KCNA1: variants seen among roughly 807,000 people sequenced by gnomAD.
KCNA1 encodes potassium voltage-gated channel subfamily A member 1.
In KCNA1, 19 loss-of-function variants were observed where a neutral mutation model predicts 28.8. The observed-to-expected ratio is 0.66, with a 90% CI of 0.46 to 0.97. KCNA1 has a LOEUF of 0.97. Ranked by LOEUF, KCNA1 falls within the 50% of genes least tolerant of loss-of-function variation. The pLI is 0.00. For missense variants in KCNA1, 419 were observed against 659.7 expected (o/e 0.64, Z 4.00); for synonymous variants, 311 against 268.8 (o/e 1.16, Z -1.53).
chr12:4,911,615 G>C lies in KCNA1; in HGVS notation c.237G>C (p.Glu79Asp). 6.2e-7 allele frequency: 1 copy of C among 1,614,160 alleles called. No homozygotes were observed. The highest frequency in any genetic ancestry group is 2.2e-5 in the East Asian group (1 of 44,860). The change falls in exon 2 of 2, where the codon GAG becomes GAC. Residue 79 changes from glutamate (E) to aspartate (D), a missense_variant. Around this residue, in one of 4 missense-constraint regions of KCNA1, gnomAD observed 217 missense variants for 329.6 expected, o/e 0.66. Coordinates refer to ENST00000382545, the MANE Select transcript of KCNA1 (RefSeq NM_000217.3). This position sits in a 1 kb window ranked among gnomAD's most constrained non-coding sequence, Gnocchi z 6.6. The part of the protein sequence containing the change: ...RMRYFDPLRN[E>D]YFFDRNRPSF... ...GCTACTTCGACCCCCTGAGGAACGA[G>C]TACTTCTTCGACCGCAACCGGCCCA... is the stretch of plus-strand genomic sequence containing the variant.
Position 4,917,198 on chromosome 12 carries a change from T to C in KCNA1, c.*4332T>C, listed in dbSNP as rs78340550. The C allele has an allele frequency of 9.0e-5, 15 of 167,224 alleles. No individual in the cohort carries two copies. The highest frequency in any genetic ancestry group is 3.4e-4 in the African/African-American group (14 of 41,582). The allele number at this position is 167,224 out of a possible 1,614,324, so 10.4% of individuals were successfully genotyped here. A position where few individuals can be genotyped will look rare whatever the true frequency, so the allele number is the denominator to read the frequency against. Reference sequence around the variant, plus strand: ...AGAATGAAGTCTTTTGATGTTTATGTTCATTTTAAGAAGACAAACAAACTA... The same window carrying C: ...AGAATGAAGTCTTTTGATGTTTATGCTCATTTTAAGAAGACAAACAAACTA... On this transcript the variant is annotated 3_prime_UTR_variant, in exon 2 of 2. Coordinates refer to ENST00000382545, the MANE Select transcript of KCNA1 (RefSeq NM_000217.3).
rs1056727372 is a variant in KCNA1 at position 4,914,448 on chromosome 12, T to C, written c.*1582T>C. The C allele has an allele frequency of 2.4e-5, 4 of 167,102 alleles. No individual in the cohort carries two copies. The highest frequency in any genetic ancestry group is 5.9e-5 in the Non-Finnish European group (4 of 68,142). The allele number at this position is 167,102 out of a possible 1,614,324, so 10.4% of individuals were successfully genotyped here. A position where few individuals can be genotyped will look rare whatever the true frequency, so the allele number is the denominator to read the frequency against. ...TTCTTTGCAGTCATTCTTTGAAGTCTGTAGAGACTTCAGCCCTCCCCTTGA... is the reference window on the plus strand; with the variant it reads ...TTCTTTGCAGTCATTCTTTGAAGTCCGTAGAGACTTCAGCCCTCCCCTTGA... On this transcript the variant is annotated 3_prime_UTR_variant, in exon 2 of 2. Coordinates refer to ENST00000382545, the MANE Select transcript of KCNA1 (RefSeq NM_000217.3).
chr12:4,916,967 AT>A lies in KCNA1; in HGVS notation c.*4105del, dbSNP rs1427733532. On this transcript the variant is annotated 3_prime_UTR_variant, in exon 2 of 2. Transcript: ENST00000382545. ...ACCTCAAAACACATGCTTTTTAACA[AT>A]TTTACATTTTAATTCTTAGTTTGGT... 1 of 167,030 alleles carries A rather than the reference AT, an allele frequency of 6.0e-6. No homozygotes were observed. The highest frequency in any genetic ancestry group is 1.5e-5 in the Non-Finnish European group (1 of 68,118). The allele number at this position is 167,030 out of a possible 1,614,324, so 10.3% of individuals were successfully genotyped here.
rs906364538 is a variant in KCNA1 at position 4,913,961 on chromosome 12, T to C, written c.*1095T>C. The C allele has an allele frequency of 1.0e-4, 17 of 167,134 alleles. No homozygotes were observed. Among genetic ancestry groups the C allele is most frequent in the African/African-American group, 3.6e-4 (15 of 41,474 alleles). 10.4% of individuals were successfully genotyped at this position (167,134 alleles called of 1,614,324 possible). A position where few individuals can be genotyped will look rare whatever the true frequency, so the allele number is the denominator to read the frequency against. On this transcript the variant is annotated 3_prime_UTR_variant, in exon 2 of 2. Coordinates refer to ENST00000382545, the MANE Select transcript of KCNA1 (RefSeq NM_000217.3). ...CAATAACTTTTTGGAGCTCAAAGCATGTTCTCTTATTCAGCATTATGGCCT... is the reference window on the plus strand; with the variant it reads ...CAATAACTTTTTGGAGCTCAAAGCACGTTCTCTTATTCAGCATTATGGCCT...
chr12:4,912,665 C>T lies in KCNA1; in HGVS notation c.1287C>T (p.His429=), dbSNP rs756549028. The change falls in exon 2 of 2, where the codon CAC becomes CAT. Residue 429 remains histidine, a synonymous_variant. Coordinates refer to ENST00000382545, the MANE Select transcript of KCNA1 (RefSeq NM_000217.3). The stretch of plus-strand genomic sequence containing the variant: ...GGGAAGAGCAGGCTCAGTTGCTCCA[C>T]GTCAGTTCCCCTAACTTAGCCTCTG... The part of the protein sequence containing the change: ...TEGEEQAQLL[H]VSSPNLASDS... 11 of 1,612,078 alleles carry T rather than the reference C, an allele frequency of 6.8e-6. No individual in the cohort carries two copies. The highest frequency in any genetic ancestry group is 3.3e-4 in the Middle Eastern group (2 of 6,082).
rs1375564167 is a variant in KCNA1 at position 4,911,011 on chromosome 12, G to A, written c.-368G>A. Reference sequence around the variant, plus strand: ...GGGAGGGGAGGCCAGGGCGACCCCCGAAGCAATGGCCCAGTCCGCTAGAAC... The same window carrying A: ...GGGAGGGGAGGCCAGGGCGACCCCCAAAGCAATGGCCCAGTCCGCTAGAAC... On this transcript the variant is annotated 5_prime_UTR_variant, in exon 2 of 2. Transcript: ENST00000382545. This position sits in a 1 kb window ranked among gnomAD's most constrained non-coding sequence, Gnocchi z 6.6. 4 of 270,296 alleles carry A rather than the reference G, an allele frequency of 1.5e-5. No homozygotes were observed. Among genetic ancestry groups the A allele is most frequent in the Admixed American group, 5.1e-5 (1 of 19,680 alleles). The allele number at this position is 270,296 out of a possible 1,614,324, so 16.7% of individuals were successfully genotyped here.
At position 4,911,496 on chromosome 12, in the gene KCNA1, G is replaced by A. The variant is rs759476808; in HGVS notation, c.118G>A (p.Val40Met). The change falls in exon 2 of 2, where the codon GTG becomes ATG. Residue 40 changes from valine to methionine, a missense_variant. Around this residue, in one of 4 missense-constraint regions of KCNA1, gnomAD observed 217 missense variants for 329.6 expected, o/e 0.66. Transcript: ENST00000382545. The surrounding 1 kb of genome is among the most constrained non-coding windows in gnomAD (Gnocchi z 6.6). The stretch of plus-strand genomic sequence containing the variant: ...CGACCACGAGTGCTGCGAGCGCGTG[G>A]TGATCAACATCTCCGGGCTGCGCTT... The part of the protein sequence containing the change: ...HDDHECCERV[V>M]INISGLRFET... The A allele has an allele frequency of 6.2e-7, 1 of 1,614,162 alleles. No homozygotes were observed. The highest frequency in any genetic ancestry group is 8.5e-7 in the Non-Finnish European group (1 of 1,180,036).
rs1947372799 is a variant in KCNA1, at chr12:4,914,538, A to C, written c.*1672A>C. The C allele has an allele frequency of 6.0e-6, 1 of 167,172 alleles. No individual in the cohort carries two copies. Among genetic ancestry groups the C allele is most frequent in the Non-Finnish European group, 1.5e-5 (1 of 68,154 alleles). 10.4% of individuals were successfully genotyped at this position (167,172 alleles called of 1,614,324 possible). A position where few individuals can be genotyped will look rare whatever the true frequency, so the allele number is the denominator to read the frequency against. ...CTTAGTGCCTTTATCCTGTACCCACAGTGAACTGTAGAAAGTGCCTCCTTA... is the reference window on the plus strand; with the variant it reads ...CTTAGTGCCTTTATCCTGTACCCACCGTGAACTGTAGAAAGTGCCTCCTTA... On this transcript the variant is annotated 3_prime_UTR_variant, in exon 2 of 2. Coordinates refer to ENST00000382545, the MANE Select transcript of KCNA1 (RefSeq NM_000217.3).
Position 4,911,612 on chromosome 12 carries a change from C to T in KCNA1, c.234C>T (p.Asn78=). ...KRMRYFDPLR[N]EYFFDRNRPS... is the part of the protein sequence containing the mutation. ...TGCGCTACTTCGACCCCCTGAGGAA[C>T]GAGTACTTCTTCGACCGCAACCGGC... The change falls in exon 2 of 2, where the codon AAC becomes AAT. Residue 78 remains asparagine (N), a synonymous_variant. Coordinates refer to ENST00000382545, the MANE Select transcript of KCNA1 (RefSeq NM_000217.3). This position sits in a 1 kb window ranked among gnomAD's most constrained non-coding sequence, Gnocchi z 6.6. The T allele has an allele frequency of 1.2e-6, 2 of 1,614,200 alleles. No individual in the cohort carries two copies. The highest frequency in any genetic ancestry group is 1.3e-5 in the African/African-American group (1 of 75,060).
In KCNA1 at chr12:4,912,246, A is replaced by G. The variant is rs376413513; in HGVS notation, c.868A>G (p.Ile290Val). ...GGGCGAGCAGGCCACCTCCCTGGCC[A>G]TCCTCAGGGTCATCCGCTTGGTAAG... ...QKGEQATSLAILRVIRLVRVF... is the reference protein window; with the variant it reads ...QKGEQATSLAVLRVIRLVRVF... Residue 290 changes from isoleucine (I) to valine (V), a missense_variant, in exon 2 of 2, where the codon ATC (isoleucine) becomes GTC (valine). Ile to Val is a conservative substitution (Grantham distance 29). Coordinates refer to ENST00000382545, the MANE Select transcript of KCNA1 (RefSeq NM_000217.3). 1.2e-6 allele frequency: 2 copies of G among 1,611,786 alleles called. No homozygotes were observed. Among genetic ancestry groups the G allele is most frequent in the African/African-American group, 1.3e-5 (1 of 74,274 alleles).
Position 4,913,307 on chromosome 12 carries a change from C to T in KCNA1, c.*441C>T, listed in dbSNP as rs920052880. The T allele has an allele frequency of 2.7e-5, 7 of 255,988 alleles. No individual in the cohort carries two copies. The highest frequency in any genetic ancestry group is 7.0e-5 in the African/African-American group (3 of 42,962). 15.9% of individuals were successfully genotyped at this position (255,988 alleles called of 1,614,324 possible). On this transcript the variant is annotated 3_prime_UTR_variant, in exon 2 of 2. Transcript: ENST00000382545. ...TCCAGTAAAACATCTTTGCAAACTG[C>T]GTAGCACATTGAAGACAGTGCATCA...
Position 4,917,852 on chromosome 12 carries a change from A to G in KCNA1, c.*4986A>G, listed in dbSNP as rs948584101. ...CTTCTCTTCAGCGCACTGTTTTGGGACTGTTTATGCAGCAGATGTAAGTAG... is the reference window on the plus strand; with the variant it reads ...CTTCTCTTCAGCGCACTGTTTTGGGGCTGTTTATGCAGCAGATGTAAGTAG... On this transcript the variant is annotated 3_prime_UTR_variant, in exon 2 of 2. Transcript: ENST00000382545. 6.0e-6 allele frequency: 1 copy of G among 167,002 alleles called. No individual in the cohort carries two copies. The highest frequency in any genetic ancestry group is 1.5e-5 in the Non-Finnish European group (1 of 68,104). 10.3% of individuals were successfully genotyped at this position (167,002 alleles called of 1,614,324 possible).
In KCNA1 at chr12:4,910,145, C is replaced by G. The variant is rs143840582; in HGVS notation, c.-867C>G. On this transcript the variant is annotated 5_prime_UTR_variant, in exon 1 of 2. Transcript: ENST00000382545. This position sits in a 1 kb window ranked among gnomAD's most constrained non-coding sequence, Gnocchi z 4.9. ...TTTATCGTCATTTGCCTCGGAGCTTCGAGAGAGGGTGGTATTTTGCTTTTC... is the reference window on the plus strand; with the variant it reads ...TTTATCGTCATTTGCCTCGGAGCTTGGAGAGAGGGTGGTATTTTGCTTTTC... 6.5e-6 allele frequency: 1 copy of G among 152,752 alleles called. No homozygotes were observed. The highest frequency in any genetic ancestry group is 1.9e-4 in the East Asian group (1 of 5,176). 9.5% of individuals were successfully genotyped at this position (152,752 alleles called of 1,614,324 possible).
rs1351451586 is a variant in KCNA1 at position 4,912,892 on chromosome 12, GC to G, written c.*30del. The G allele has an allele frequency of 2.0e-6, 3 of 1,502,432 alleles. No homozygotes were observed. The highest frequency in any genetic ancestry group is 2.8e-6 in the Non-Finnish European group (3 of 1,079,012). The allele number at this position is 1,502,432 out of a possible 1,614,324, so 93.1% of individuals were successfully genotyped here. Reference sequence around the variant, plus strand: ...AAAACAAAGGCAAGCAAACAAAAAAGCCCCACTTAGCAGCTCAAAAGACTTA... The same window carrying G: ...AAAACAAAGGCAAGCAAACAAAAAAGCCCACTTAGCAGCTCAAAAGACTTA... On this transcript the variant is annotated 3_prime_UTR_variant, in exon 2 of 2. Transcript: ENST00000382545.
At position 4,912,877 on chromosome 12, in the gene KCNA1, C is replaced by A; in HGVS notation, c.*11C>A. 2 of 1,583,222 alleles carry A rather than the reference C, an allele frequency of 1.3e-6. No individual in the cohort carries two copies. Among genetic ancestry groups the A allele is most frequent in the Non-Finnish European group, 1.7e-6 (2 of 1,152,296 alleles). On this transcript the variant is annotated 3_prime_UTR_variant, in exon 2 of 2. Transcript: ENST00000382545. ...CTGACCGATGTTTAAAAAACAAAGG[C>A]AAGCAAACAAAAAAGCCCCACTTAG...
Position 4,912,440 on chromosome 12 carries a change from G to C in KCNA1, c.1062G>C (p.Ser354=). The part of the protein sequence containing the change: ...VYFAEAEEAE[S]HFSSIPDAFW... ...TTGCCGAGGCGGAAGAAGCTGAGTC[G>C]CACTTCTCCAGTATCCCCGATGCTT... Residue 354 remains serine (S), a synonymous_variant, in exon 2 of 2, where the codon TCG becomes TCC. Transcript: ENST00000382545. The C allele has an allele frequency of 6.2e-7, 1 of 1,613,796 alleles. No individual in the cohort carries two copies.
rs191491257 is a variant in KCNA1, at chr12:4,917,343, A to G, written c.*4477A>G. The G allele has an allele frequency of 3.3e-3, 547 of 167,226 alleles. 5 individuals are homozygous for G. Among genetic ancestry groups the G allele is most frequent in the Non-Finnish European group, 6.6e-4 (45 of 68,110 alleles). The allele number at this position is 167,226 out of a possible 1,614,324, so 10.4% of individuals were successfully genotyped here. ...ATGGAATTTCAGGGTATATGTGAAC[A>G]TGTCTAGTATGACTCAGGTAAACCT... On this transcript the variant is annotated 3_prime_UTR_variant, in exon 2 of 2. Coordinates refer to ENST00000382545, the MANE Select transcript of KCNA1 (RefSeq NM_000217.3).
Position 4,918,112 on chromosome 12 carries a change from G to C in KCNA1, c.*5246G>C, listed in dbSNP as rs1947396745. 2 of 167,036 alleles carry C rather than the reference G, an allele frequency of 1.2e-5. No homozygotes were observed. The highest frequency in any genetic ancestry group is 4.8e-5 in the African/African-American group (2 of 41,438). 10.3% of individuals were successfully genotyped at this position (167,036 alleles called of 1,614,324 possible). The stretch of plus-strand genomic sequence containing the variant: ...CCTTCTCTAACTGTGTAATATGTCA[G>C]GTCAAGGACATTGAATGTTATGAAT... On this transcript the variant is annotated 3_prime_UTR_variant, in exon 2 of 2. Transcript: ENST00000382545.
chr12:4,913,292 C>A lies in KCNA1; in HGVS notation c.*426C>A. 1 of 268,368 alleles carries A rather than the reference C, an allele frequency of 3.7e-6. No homozygotes were observed. Among genetic ancestry groups the A allele is most frequent in the Non-Finnish European group, 7.7e-6 (1 of 130,578 alleles). 16.6% of individuals were successfully genotyped at this position (268,368 alleles called of 1,614,324 possible). On this transcript the variant is annotated 3_prime_UTR_variant, in exon 2 of 2. Coordinates refer to ENST00000382545, the MANE Select transcript of KCNA1 (RefSeq NM_000217.3). The stretch of plus-strand genomic sequence containing the variant: ...AAATTCGCATGGGACTCCAGTAAAA[C>A]ATCTTTGCAAACTGCGTAGCACATT...
Sources: gnomAD v4.1 joint callset for allele counts on GRCh38, gnomAD v4.1.1 for gene constraint, gnomAD v4.1.1 regional missense constraint, Gnocchi (gnomAD v3.1) non-coding constraint, MANE v1.5 for transcripts, NCBI Gene and HGNC (gene_info 2026-07-23, HGNC 2026-07-21) for gene names.